The following REV1 variants were observed in gnomAD, a reference collection of about 807,000 sequenced individuals.
REV1 encodes translesion synthesis protein REV1.
Under a neutral mutation model 137.4 loss-of-function variants are expected in REV1, and 42 were observed. That is an observed-to-expected ratio of 0.31 (90% confidence interval 0.24 to 0.40). REV1 has a LOEUF of 0.40. Ranked by LOEUF, REV1 falls within the 10% of genes least tolerant of loss-of-function variation. The probability of loss-of-function intolerance (pLI) is 1.00; values close to 1 mark genes in which losing one functional copy is unlikely to be tolerated. For missense variants in REV1, 1,282 were observed against 1,490.1 expected (o/e 0.86, Z 2.30); for synonymous variants, 524 against 519.2 (o/e 1.01, Z -0.12).
intron 12 of REV1, among the ~76,000 whole-genome samples, chr2:99,414,236 ACTAT>A (rs764554128): frequency 1.8e-4 from 27 of 152,174 alleles, no homozygotes; most frequent in Non-Finnish European, 3.5e-4. Flanking sequence ...TAGCAGAAAA[ACTAT>A]CTAGTCCAAG....
At position 99,412,868 on chromosome 2, in the gene REV1, G is replaced by A. The variant is rs1327024821; in HGVS notation, c.2035C>T (p.Leu679Phe). 1 of 1,613,990 alleles carries A rather than the reference G, an allele frequency of 6.2e-7. No individual in the cohort carries two copies. The highest frequency in any genetic ancestry group is 2.2e-5 in the East Asian group (1 of 44,880). The change falls in exon 13 of 23, where the codon CTC (leucine) becomes TTC (phenylalanine). Residue 679 changes from leucine (L) to phenylalanine (F), a missense_variant. This residue lies in a region of REV1 where 372 missense variants were observed against 482.3 expected (regional missense o/e 0.77). Coordinates refer to ENST00000258428, the MANE Select transcript of REV1 (RefSeq NM_016316.4). The stretch of plus-strand genomic sequence containing the variant: ...GTTTTGGGACCAAATTCTTTTTGGA[G>A]TTTTGCCATGGTCATATACTGCAAG... ...GDLQYMTMAK[L>F]QKEFGPKTGQ... is the part of the protein sequence containing the mutation.
intron 3 of REV1, chr2:99,451,296 A>T: frequency 1.9e-6 from 2 of 1,065,372 alleles, no homozygotes; most frequent in Non-Finnish European, 2.3e-6. Context: ...ATAAAAAGAC[A>T]CGTCAAGAAC....
Position 99,406,264 on chromosome 2 carries a change from C to G in REV1, c.2614+61G>C, listed in dbSNP as rs1676280975. On this transcript the variant is annotated intron_variant, in intron 16 of 22. Transcript: ENST00000258428. ...AAAGCTGTGTCAATTTTAAAACCAA[C>G]TGCCGTCTTTCCAAGGACATAAGCA... The G allele has an allele frequency of 8.0e-6, 12 of 1,507,280 alleles. No homozygotes were observed. The South Asian group carries it at 1.5e-4, about 19-fold the overall frequency. The allele number at this position is 1,507,280 out of a possible 1,614,324, so 93.4% of individuals were successfully genotyped here.
At chr2:99,446,565 G>A (rs906917219) in intron 4 of REV1, among the ~76,000 whole-genome samples, 3 of 152,046 alleles carry the variant, frequency 2.0e-5, no homozygotes, top group African/African-American at 7.2e-5. Context: ...CGTGATCTCG[G>A]CTCACTGCAA....
At chr2:99,435,973 A>T (rs747769273) in intron 6 of REV1, 32 bp from the exon 7 acceptor site, 2 of 1,240,256 alleles carry the variant, frequency 1.6e-6, no homozygotes, top group Non-Finnish European at 2.4e-6. Context: ...TCAAACCCCA[A>T]GCTAATTTTT....
chr2:99,478,687 A>C (rs979467943), intron 1 of REV1, among the ~76,000 whole-genome samples: 2 of 152,188 alleles, frequency 1.3e-5, no homozygotes, highest in Non-Finnish European at 2.9e-5. Flanking sequence ...GAAGAGGGAA[A>C]TATATCTAAA....
At chr2:99,424,990 T>G in intron 9 of REV1, 1 of 912,340 alleles carries the variant, frequency 1.1e-6, no homozygotes, top group Non-Finnish European at 1.5e-6. Context: ...ACTATAATTA[T>G]GGAATTATAC....
intron 9 of REV1, among the ~76,000 whole-genome samples, chr2:99,429,314 A>T (rs561073577): frequency 1.1e-4 from 16 of 152,296 alleles, no homozygotes; most frequent in African/African-American, 3.4e-4. Context: ...TAAGATAAAG[A>T]CCTATACAAA....
chr2:99,417,050 T>C (rs980777094), intron 12 of REV1, among the ~76,000 whole-genome samples: 2 of 152,148 alleles, frequency 1.3e-5, no homozygotes, highest in African/African-American at 4.8e-5. Flanking sequence ...AAGGGTTCGA[T>C]TTAAAGATGG....
chr2:99,445,816 A>G (rs1682132327), intron 4 of REV1, among the ~76,000 whole-genome samples: 1 of 152,202 alleles, frequency 6.6e-6, no homozygotes, highest in African/African-American at 2.4e-5. Flanking sequence ...AACCATGCCT[A>G]CATTAACTCA....
At chr2:99,468,236 T>C (rs971979555) in intron 1 of REV1, among the ~76,000 whole-genome samples, 2 of 151,580 alleles carry the variant, frequency 1.3e-5, no homozygotes, top group Non-Finnish European at 2.9e-5. Context: ...CTGTTTCTGC[T>C]AATCAGCAGG....
At chr2:99,403,500 T>G (rs1400030255) in intron 19 of REV1, 195 bp downstream of exon 19, 7 of 733,644 alleles carry the variant, frequency 9.5e-6, no homozygotes, top group Non-Finnish European at 1.3e-5. Flanking sequence ...GTTTAAATCC[T>G]GAAAGTACAG....
At chr2:99,404,315 C>CCA in intron 18 of REV1, 129 bp downstream of exon 18, 1 of 682,504 alleles carries the variant, frequency 1.5e-6, no homozygotes. Context: ...TCTCCCCTCC[C>CCA]CTCCCCTCCC....
chr2:99,419,089 T>C, intron 11 of REV1, 142 bp from the exon 12 acceptor site: 1 of 733,468 alleles, frequency 1.4e-6, no homozygotes, highest in South Asian at 2.2e-5. Flanking sequence ...GGTGTAGAAT[T>C]TTGCTAAGTA....
chr2:99,466,948 A>G (rs981365132), intron 1 of REV1, among the ~76,000 whole-genome samples: 2 of 152,356 alleles, frequency 1.3e-5, no homozygotes, highest in South Asian at 2.1e-4. Flanking sequence ...TGGGAGATAC[A>G]TTAACACACA....
At chr2:99,406,540 A>C (rs765001264) in intron 15 of REV1, 50 bp from the exon 16 acceptor site, 3 of 1,436,412 alleles carry the variant, frequency 2.1e-6, no homozygotes, top group South Asian at 1.5e-5. Context: ...AAGTGAAAAT[A>C]TGAATTCAGC....
At chr2:99,459,817 G>C (rs1683974407) in intron 3 of REV1, among the ~76,000 whole-genome samples, 1 of 152,172 alleles carries the variant, frequency 6.6e-6, no homozygotes, top group Non-Finnish European at 1.5e-5. Flanking sequence ...GTTGACAGGT[G>C]AACTATTAGA....
Position 99,462,772 on chromosome 2 carries a change from A to G in REV1, c.55-150T>C, listed in dbSNP as rs531440414. On this transcript the variant is annotated intron_variant, in intron 2 of 22. Transcript: ENST00000258428. ...AATGATGACCTCATAAACATAAACCATAAGGCAAGGCAATAAATAAAACAG... is the reference window on the plus strand; with the variant it reads ...AATGATGACCTCATAAACATAAACCGTAAGGCAAGGCAATAAATAAAACAG... 1.6e-5 allele frequency: 12 copies of G among 758,808 alleles called. No homozygotes were observed. The East Asian group carries it at 2.1e-4, about 13-fold the overall frequency. The allele number at this position is 758,808 out of a possible 1,614,324, so 47.0% of individuals were successfully genotyped here.
intron 1 of REV1, among the ~76,000 whole-genome samples, chr2:99,473,239 A>C (rs1482057568): frequency 6.6e-6 from 1 of 151,984 alleles, no homozygotes; most frequent in Non-Finnish European, 1.5e-5. Flanking sequence ...GTGGTGGCGC[A>C]TGCCTGTAGT....
Sources: allele counts gnomAD v4.1 joint callset (sites outside exome capture counted in the v4.1 genomes callset), GRCh38; gene constraint gnomAD v4.1.1; regional missense constraint gnomAD v4.1.1; transcripts MANE v1.5; gene names NCBI Gene and HGNC (gene_info 2026-07-23, HGNC 2026-07-21).